PDE4D: variants seen among roughly 807,000 people sequenced by gnomAD.
PDE4D encodes 3',5'-cyclic-AMP phosphodiesterase 4D.
In PDE4D, 24 loss-of-function variants were observed where a neutral mutation model predicts 87.4. The observed-to-expected ratio is 0.27, with a 90% CI of 0.20 to 0.39. The LOEUF is 0.39. Among genes scored for constraint, PDE4D ranks in the 10% least tolerant of loss-of-function variants. PDE4D has a pLI of 1.00. For missense variants in PDE4D, 714 were observed against 1,041.0 expected (o/e 0.69, Z 4.32); for synonymous variants, 384 against 383.2 (o/e 1.00, Z -0.02).
intron 6 of PDE4D, among the ~76,000 whole-genome samples, chr5:59,035,445 C>G (rs1458577143): frequency 1.3e-5 from 2 of 152,202 alleles, no homozygotes; most frequent in African/African-American, 2.4e-5. Flanking sequence ...AAAAATCCAT[C>G]AAACTTGAAG....
intron 5 of PDE4D, among the ~76,000 whole-genome samples, chr5:59,142,111 G>A (rs896000171): frequency 6.6e-6 from 1 of 152,102 alleles, no homozygotes; most frequent in African/African-American, 2.4e-5. Context: ...TAACTACAGG[G>A]AAAAAGATAA....
intron 1 of PDE4D, among the ~76,000 whole-genome samples, chr5:59,364,867 ACCTT>A (rs146907247): frequency 0.013 from 1,900 of 148,294 alleles, 42 homozygotes; most frequent in African/African-American, 0.044. Context: ...CTTCCTACCT[ACCTT>A]CCTTCCTTCC....
At chr5:59,413,851 G>A (rs753982152) in intron 1 of PDE4D, among the ~76,000 whole-genome samples, 23 of 152,006 alleles carry the variant, frequency 1.5e-4, no homozygotes, top group Non-Finnish European at 2.8e-4. Flanking sequence ...TTTCTTGTGG[G>A]GACTGAATGA....
At chr5:59,589,028 A>G (rs969144329) in intron 1 of PDE4D, among the ~76,000 whole-genome samples, 1 of 152,226 alleles carries the variant, frequency 6.6e-6, no homozygotes, top group African/African-American at 2.4e-5. Flanking sequence ...CCATTCTAAG[A>G]TAGTTACAGT....
At chr5:59,249,905 G>C (rs1168231846) in intron 1 of PDE4D, among the ~76,000 whole-genome samples, 1 of 151,982 alleles carries the variant, frequency 6.6e-6, no homozygotes, top group African/African-American at 2.4e-5. Context: ...CACCCAGGGT[G>C]GAGTGCAGTG....
chr5:60,296,508 A>G (rs547237606), intron 1 of PDE4D, among the ~76,000 whole-genome samples: 1 of 152,180 alleles, frequency 6.6e-6, no homozygotes, highest in Admixed American at 6.5e-5. Flanking sequence ...ATCCACACAC[A>G]CTTTCTTTCT....
chr5:60,307,915 C>A (rs937672663), intron 1 of PDE4D, among the ~76,000 whole-genome samples: 2 of 152,090 alleles, frequency 1.3e-5, no homozygotes, highest in African/African-American at 4.8e-5. Flanking sequence ...GTGGTGGACA[C>A]CTGTAATCCA....
intron 2 of PDE4D, among the ~76,000 whole-genome samples, chr5:59,996,532 A>G (rs1479702764): frequency 6.6e-6 from 1 of 152,198 alleles, no homozygotes; most frequent in African/African-American, 2.4e-5. Context: ...TTAGTCTTTC[A>G]TGTCCCCATG....
At chr5:59,682,279 TA>T (rs1405735055) in intron 1 of PDE4D, among the ~76,000 whole-genome samples, 5 of 152,144 alleles carry the variant, frequency 3.3e-5, no homozygotes, top group Admixed American at 1.3e-4. Context: ...AGGAAAATAG[TA>T]ACTTTACAGT....
At chr5:60,141,152 G>A (rs1183082339) in intron 2 of PDE4D, among the ~76,000 whole-genome samples, 4 of 152,198 alleles carry the variant, frequency 2.6e-5, no homozygotes, top group African/African-American at 9.6e-5. Context: ...CCAGTAAAGA[G>A]AGACTGGAAT....
At chr5:59,938,486 A>C (rs1033205671) in intron 3 of PDE4D, among the ~76,000 whole-genome samples, 1 of 152,234 alleles carries the variant, frequency 6.6e-6, no homozygotes, top group Non-Finnish European at 1.5e-5. Flanking sequence ...AAGATGACCT[A>C]TATGTCTAAA....
chr5:59,001,339 A>G (rs1750499002), intron 6 of PDE4D, among the ~76,000 whole-genome samples: 1 of 151,970 alleles, frequency 6.6e-6, no homozygotes, highest in Non-Finnish European at 1.5e-5. Flanking sequence ...ACATTTAACT[A>G]TTTCCACATG....
At chr5:60,354,413 T>C (rs569684425) in intron 1 of PDE4D, among the ~76,000 whole-genome samples, 1 of 152,308 alleles carries the variant, frequency 6.6e-6, no homozygotes, top group East Asian at 1.9e-4. Context: ...CACAGCAGAT[T>C]CTTTACTTGG....
At chr5:60,402,988 AC>A (rs1180005555) in intron 1 of PDE4D, among the ~76,000 whole-genome samples, 1 of 152,192 alleles carries the variant, frequency 6.6e-6, no homozygotes, top group Non-Finnish European at 1.5e-5. Flanking sequence ...TTGCCTGGTA[AC>A]CCACTTATAA....
intron 1 of PDE4D, among the ~76,000 whole-genome samples, chr5:60,410,153 G>C (rs888844154): frequency 2.0e-5 from 3 of 152,210 alleles, no homozygotes; most frequent in African/African-American, 7.2e-5. Context: ...GGGGAAATTA[G>C]AAAGTGACTA....
chr5:59,109,585 C>T (rs912718459), intron 5 of PDE4D, among the ~76,000 whole-genome samples: 4 of 152,142 alleles, frequency 2.6e-5, no homozygotes, highest in Non-Finnish European at 5.9e-5. Flanking sequence ...GCTGACACTC[C>T]GCCCAATCCT....
At chr5:60,473,053 A>T (rs1241862327) in intron 1 of PDE4D, among the ~76,000 whole-genome samples, 1 of 150,684 alleles carries the variant, frequency 6.6e-6, no homozygotes, top group East Asian at 2.0e-4. Flanking sequence ...AGAAGGAAGG[A>T]AGGAAGGAAG....
intron 2 of PDE4D, among the ~76,000 whole-genome samples, chr5:60,184,413 TG>T (rs1687499465): frequency 6.6e-6 from 1 of 152,204 alleles, no homozygotes; most frequent in Admixed American, 6.5e-5. Context: ...TGAGTGACTT[TG>T]TATGATGATA....
chr5:59,649,905 C>CTTTTTTTTTTTTTTTTTTTTTTTTTT lies in PDE4D; in HGVS notation c.455+243237_455+243262dup, dbSNP rs1156467369. 1.6e-3 allele frequency among the ~76,000 whole-genome samples: 115 copies of CTTTTTTTTTTTTTTTTTTTTTTTTTT among 72,432 alleles called. 17 individuals carry two copies. The highest frequency in any genetic ancestry group is 7.7e-3 in the Middle Eastern group (1 of 130). 47.5% of individuals were successfully genotyped at this position (72,432 alleles called of 152,430 possible). A position where few individuals can be genotyped will look rare whatever the true frequency, so the allele number is the denominator to read the frequency against. ...GTTAAAATGTTGATAGTTTGTGAAC[C>CTTTTTTTTTTTTTTTTTTTTTTTTTT]TTTTTTTTTTTTTTTTTTTTTTTTT... On this transcript the variant is annotated intron_variant, in intron 1 of 14. Transcript: ENST00000340635.
Sources: gnomAD v4.1 joint callset for allele counts (sites outside exome capture counted in the v4.1 genomes callset) on GRCh38, gnomAD v4.1.1 for gene constraint, MANE v1.5 for transcripts, NCBI Gene and HGNC (gene_info 2026-07-23, HGNC 2026-07-21) for gene names.